Variants in PAICS observed in about 807,000 individuals in gnomAD.
PAICS encodes the protein bifunctional phosphoribosylaminoimidazole carboxylase/phosphoribosylaminoimidazole succinocarboxamide synthetase.
Under a neutral mutation model 53.7 loss-of-function variants are expected in PAICS, and 33 were observed. The observed-to-expected ratio is 0.61, with a 90% CI of 0.47 to 0.82. The LOEUF (loss-of-function observed/expected upper bound fraction) is 0.82, where lower values mean the gene tolerates loss of function less well. Among genes scored for constraint, PAICS ranks in the 40% least tolerant of loss-of-function variants. The pLI, the probability that PAICS is intolerant of heterozygous loss-of-function variation, is 0.00. For synonymous variants in PAICS, 141 were observed against 167.2 expected (o/e 0.84, Z 1.21); for missense variants, 394 against 494.1 (o/e 0.80, Z 1.92).
chr4:56,416,798 T>C, the PAICS span, among the ~76,000 whole-genome samples: 1,321 of 152,278 alleles, frequency 8.7e-3, 6 homozygotes, highest in Non-Finnish European at 0.014. Context: ...CACAACCAGG[T>C]CAAGGATAAT....
chr4:56,444,733 G>A (rs1406257560), intron 2 of PAICS, among the ~76,000 whole-genome samples: 1 of 152,022 alleles, frequency 6.6e-6, no homozygotes, highest in Non-Finnish European at 1.5e-5. Flanking sequence ...AAACTTTTAG[G>A]GATTTTTTGT....
chr4:56,450,469 G>C lies in PAICS; in HGVS notation c.688-150G>C, dbSNP rs985808651. 48 of 577,848 alleles carry C rather than the reference G, an allele frequency of 8.3e-5. No individual in the cohort carries two copies. In the East Asian group the frequency reaches 1.4e-3, roughly 16 times the overall value. The allele number at this position is 577,848 out of a possible 1,614,324, so 35.8% of individuals were successfully genotyped here. On this transcript the variant is annotated intron_variant, in intron 5 of 8. Transcript: ENST00000512576. Reference sequence around the variant, plus strand: ...AAAGTATACTTTACTATGGAACTTTGTTAGTTTAATTCAGGAAGTGAAAAG... The same window carrying C: ...AAAGTATACTTTACTATGGAACTTTCTTAGTTTAATTCAGGAAGTGAAAAG...
At chr4:56,455,668 TG>T (rs1560665038) in intron 8 of PAICS, among the ~76,000 whole-genome samples, 1 of 152,226 alleles carries the variant, frequency 6.6e-6, no homozygotes, top group Non-Finnish European at 1.5e-5. Flanking sequence ...TAGAATCCTA[TG>T]CTGAAAATCA....
intron 2 of PAICS, among the ~76,000 whole-genome samples, chr4:56,445,150 G>A (rs1006175854): frequency 9.9e-5 from 15 of 151,832 alleles, no homozygotes; most frequent in Admixed American, 7.9e-4. Flanking sequence ...TGAGTCTTAC[G>A]AGTCAGATTC....
At chr4:56,417,100 C>T in the PAICS span, among the ~76,000 whole-genome samples, 2 of 152,180 alleles carry the variant, frequency 1.3e-5, no homozygotes, top group Non-Finnish European at 2.9e-5. Flanking sequence ...CCACCCGCCT[C>T]GGCCTCCCAA....
intron 3 of PAICS, 42 bp downstream of exon 3, chr4:56,446,915 G>T (rs193255256): frequency 2.0e-5 from 23 of 1,170,724 alleles, no homozygotes; most frequent in Non-Finnish European, 2.6e-5. Context: ...ACTGTAACAC[G>T]GCAATAAATT....
upstream of PAICS, chr4:56,436,181 C>G (rs1267118797): frequency 8.6e-6 from 13 of 1,507,656 alleles, no homozygotes; most frequent in Non-Finnish European, 1.1e-5. Flanking sequence ...TGTAGCGGAG[C>G]TCGAAAAGAG....
chr4:56,442,396 G>A (rs1718385978), intron 2 of PAICS, among the ~76,000 whole-genome samples: 1 of 152,156 alleles, frequency 6.6e-6, no homozygotes, highest in African/African-American at 2.4e-5. Context: ...TTCAAAAACT[G>A]AATGAAGGCT....
chr4:56,451,263 T>C (rs866383745), intron 6 of PAICS: 1 of 152,954 alleles, frequency 6.5e-6, no homozygotes, highest in African/African-American at 2.4e-5. Context: ...GTCTCCTCCC[T>C]ACCCCGTAGG....
At chr4:56,428,925 G>C in the PAICS span, 1 of 873,432 alleles carries the variant, frequency 1.1e-6, no homozygotes. Context: ...TTCTTTTCCT[G>C]TGTTTTTATT....
At chr4:56,420,877 A>G in the PAICS span, 1 of 152,188 alleles carries the variant, frequency 6.6e-6, no homozygotes, top group Non-Finnish European at 1.5e-5. Flanking sequence ...AATAAACTGA[A>G]TGAGTTCTAG....
chr4:56,429,010 G>C, the PAICS span: 47 of 959,306 alleles, frequency 4.9e-5, no homozygotes, highest in Admixed American at 6.2e-5. Flanking sequence ...AAGATGGTAA[G>C]AGCCAGAGAA....
At chr4:56,428,075 A>G in the PAICS span, among the ~76,000 whole-genome samples, 10 of 152,238 alleles carry the variant, frequency 6.6e-5, no homozygotes, top group African/African-American at 2.4e-4. Context: ...AGTCTGTCTT[A>G]TAATTTTTAG....
upstream of PAICS, among the ~76,000 whole-genome samples, chr4:56,433,269 T>C (rs1191727376): frequency 1.3e-5 from 2 of 151,846 alleles, no homozygotes; most frequent in African/African-American, 4.8e-5. Context: ...AGTAATACAT[T>C]TGTTCCTCAA....
chr4:56,430,995 TA>T (rs573664673), upstream of PAICS, among the ~76,000 whole-genome samples: 17 of 147,428 alleles, frequency 1.2e-4, no homozygotes, highest in Admixed American at 2.7e-4. Flanking sequence ...AGCTAAGTTC[TA>T]AAAAAAAAAG....
chr4:56,457,742 C>T (rs1248750312), intron 8 of PAICS, among the ~76,000 whole-genome samples: 2 of 151,382 alleles, frequency 1.3e-5, no homozygotes, highest in Non-Finnish European at 2.9e-5. Flanking sequence ...CTCCGCCTCC[C>T]AGGTTCAAGC....
intron 1 of PAICS, 163 bp downstream of exon 1, chr4:56,436,491 A>G: frequency 1.4e-6 from 1 of 722,386 alleles, no homozygotes; most frequent in Non-Finnish European, 2.6e-6. Flanking sequence ...GCCTCCCCGA[A>G]CTTTACTGCC....
the PAICS span, among the ~76,000 whole-genome samples, chr4:56,418,663 G>A: frequency 3.3e-5 from 5 of 151,862 alleles, no homozygotes; most frequent in African/African-American, 1.2e-4. Context: ...TTGAAACCCT[G>A]TCTCAAAAAA....
chr4:56,419,397 A>C, the PAICS span, among the ~76,000 whole-genome samples: 1 of 152,208 alleles, frequency 6.6e-6, no homozygotes, highest in Non-Finnish European at 1.5e-5. Flanking sequence ...AATATGACTA[A>C]AAAAACACAA....
Sources: gnomAD v4.1 joint callset for allele counts (sites outside exome capture counted in the v4.1 genomes callset) on GRCh38, gnomAD v4.1.1 for gene constraint, MANE v1.5 for transcripts, NCBI Gene and HGNC (gene_info 2026-07-23, HGNC 2026-07-21) for gene names.